SLC38A1: variants seen among roughly 807,000 people sequenced by gnomAD.
The protein encoded by SLC38A1 is solute carrier family 38 member 1.
Under a neutral mutation model 60.3 loss-of-function variants are expected in SLC38A1, and 18 were observed. The ratio of observed to expected loss-of-function variants is 0.30; its 90% CI spans 0.21 to 0.44. The LOEUF (loss-of-function observed/expected upper bound fraction) is 0.44, where lower values mean the gene tolerates loss of function less well. SLC38A1 is among the 20% of genes least tolerant of loss of function. The probability of loss-of-function intolerance (pLI) is 1.00; values close to 1 mark genes in which losing one functional copy is unlikely to be tolerated. For missense variants in SLC38A1, 448 were observed against 587.2 expected, an observed-to-expected ratio of 0.76 and a Z score of 2.45; for synonymous variants, 196 against 212.1, an observed-to-expected ratio of 0.92 and a Z score of 0.66.
chr12:46,239,548 G>A (rs1308283940), intron 3 of SLC38A1, 131 bp downstream of exon 3: 1 of 941,748 alleles, frequency 1.1e-6, no homozygotes, highest in African/African-American at 1.6e-5. Flanking sequence ...TCACCATGTT[G>A]GTCAGGCTGG....
Position 46,196,993 on chromosome 12 carries a change from T to C in SLC38A1, c.1362+727A>G, listed in dbSNP as rs543749492. ...TAACTCAGACATTTTAATTAAGGCA[T>C]TGCATGTTCCCTGGGCTGTAGGGAG... On this transcript the variant is annotated intron_variant, in intron 16 of 16. Coordinates refer to ENST00000398637, the MANE Select transcript of SLC38A1 (RefSeq NM_030674.4). Among the ~76,000 whole-genome samples the C allele has an allele frequency of 5.9e-5, 9 of 152,372 alleles. No homozygotes were observed. In the East Asian group the frequency reaches 7.7e-4, roughly 13 times the overall value.
Position 46,240,600 on chromosome 12 carries a change from G to A in SLC38A1, c.-93-707C>T, listed in dbSNP as rs184318086. On this transcript the variant is annotated intron_variant, in intron 2 of 16. Transcript: ENST00000398637. The stretch of plus-strand genomic sequence containing the variant: ...ACTGCACAGACACAAAAGCACCTTC[G>A]GTTTAGCAATCCCAGCTTAAAGAAA... Among the ~76,000 whole-genome samples the A allele has an allele frequency of 9.9e-5, 15 of 152,238 alleles. No homozygotes were observed. The East Asian group carries it at 2.7e-3, about 27-fold the overall frequency.
At chr12:46,223,063 A>G (rs1940722188) in intron 5 of SLC38A1, among the ~76,000 whole-genome samples, 1 of 152,158 alleles carries the variant, frequency 6.6e-6, no homozygotes, top group Non-Finnish European at 1.5e-5. Flanking sequence ...CCGTTGATAA[A>G]AATAAAGTTT....
In SLC38A1 at chr12:46,256,186, A is replaced by T. The variant is rs1332507170; in HGVS notation, c.-209+12340T>A. Among the ~76,000 whole-genome samples, 7 of 148,756 alleles carry T rather than the reference A, an allele frequency of 4.7e-5. 1 individual carries two copies. Among genetic ancestry groups the T allele is most frequent in the African/African-American group, 1.8e-4 (7 of 39,708 alleles). On this transcript the variant is annotated intron_variant, in intron 1 of 16. Transcript: ENST00000398637. ...ATCTCAAAAAAAAAAAAAAAAAAAA[A>T]GTCAAAGCAGCAGTTTATGACCTTA...
At chr12:46,231,338 G>C (rs1941069975) in intron 3 of SLC38A1, among the ~76,000 whole-genome samples, 1 of 152,018 alleles carries the variant, frequency 6.6e-6, no homozygotes, top group Admixed American at 6.6e-5. Flanking sequence ...CTATCCAATG[G>C]GTACAACGTT....
intron 1 of SLC38A1, among the ~76,000 whole-genome samples, chr12:46,264,178 GC>G (rs1319843753): frequency 6.6e-6 from 1 of 152,212 alleles, no homozygotes; most frequent in African/African-American, 2.4e-5. Context: ...TTAGCAGCAT[GC>G]TTAATGCCAG....
At chr12:46,232,348 T>A (rs928797404) in intron 3 of SLC38A1, among the ~76,000 whole-genome samples, 1 of 152,190 alleles carries the variant, frequency 6.6e-6, no homozygotes, top group African/African-American at 2.4e-5. Context: ...CAGACTGGGA[T>A]TAGCCAGAGG....
intron 5 of SLC38A1, among the ~76,000 whole-genome samples, chr12:46,212,950 A>G (rs1334335012): frequency 6.6e-6 from 1 of 152,132 alleles, no homozygotes; most frequent in Non-Finnish European, 1.5e-5. Context: ...CTTGAAATCT[A>G]ACACCTCTCC....
chr12:46,247,244 A>G (rs1328248737), intron 1 of SLC38A1, among the ~76,000 whole-genome samples: 1 of 152,234 alleles, frequency 6.6e-6, no homozygotes, highest in African/African-American at 2.4e-5. Flanking sequence ...TCCAAGCTAA[A>G]GGAGGATGTT....
intron 1 of SLC38A1, among the ~76,000 whole-genome samples, chr12:46,252,792 G>C (rs1941897567): frequency 1.3e-5 from 2 of 151,818 alleles, no homozygotes; most frequent in Admixed American, 6.6e-5. Flanking sequence ...CCAAGATATG[G>C]AAACAATCTA....
intron 1 of SLC38A1, among the ~76,000 whole-genome samples, chr12:46,250,366 C>A (rs777078214): frequency 1.3e-4 from 20 of 152,278 alleles, no homozygotes; most frequent in Non-Finnish European, 2.6e-4. Context: ...TTATGACAAA[C>A]CCACAGCCAA....
chr12:46,199,959 C>G (rs1939579286), intron 13 of SLC38A1, among the ~76,000 whole-genome samples: 1 of 152,110 alleles, frequency 6.6e-6, no homozygotes, highest in African/African-American at 2.4e-5. Context: ...AATAACTAAC[C>G]ACTTAAAAAA....
At chr12:46,199,307 TTGTGTG>T (rs71067986) in intron 13 of SLC38A1, among the ~76,000 whole-genome samples, 11,941 of 124,920 alleles carry the variant, frequency 0.096, 586 homozygotes, top group Non-Finnish European at 0.11. Context: ...ATGTACTACT[TTGTGTG>T]TGTGTGTGTG....
intron 16 of SLC38A1, among the ~76,000 whole-genome samples, chr12:46,192,474 T>C (rs1403907459): frequency 1.3e-5 from 2 of 152,220 alleles, no homozygotes; most frequent in Admixed American, 1.3e-4. Flanking sequence ...ATTCCCTCTT[T>C]TCTACTGATT....
chr12:46,221,682 C>T (rs1317593017), intron 5 of SLC38A1, among the ~76,000 whole-genome samples: 2 of 152,162 alleles, frequency 1.3e-5, no homozygotes, highest in Non-Finnish European at 2.9e-5. Flanking sequence ...TGTTCTAGAT[C>T]GTGTTAGCGG....
intron 3 of SLC38A1, among the ~76,000 whole-genome samples, chr12:46,229,899 CA>C (rs1283556175): frequency 7.0e-4 from 106 of 152,324 alleles, no homozygotes; most frequent in African/African-American, 2.5e-3. Context: ...TTATATCCTG[CA>C]CTCTACCTTG....
At chr12:46,204,705 G>C (rs1939816624) in intron 9 of SLC38A1, 115 bp from the exon 10 acceptor site, 2 of 692,112 alleles carry the variant, frequency 2.9e-6, no homozygotes, top group African/African-American at 3.6e-5. Context: ...TTATTTCAGT[G>C]CATTATTTGA....
At chr12:46,233,109 C>T (rs1941137415) in intron 3 of SLC38A1, among the ~76,000 whole-genome samples, 1 of 152,134 alleles carries the variant, frequency 6.6e-6, no homozygotes, top group Non-Finnish European at 1.5e-5. Flanking sequence ...ACCTGGAGCT[C>T]CTAGGCTCAA....
intron 4 of SLC38A1, 117 bp from the exon 5 acceptor site, chr12:46,229,385 A>G: frequency 1.2e-6 from 1 of 824,288 alleles, no homozygotes; most frequent in South Asian, 1.7e-5. Flanking sequence ...AAGAAAATCC[A>G]TTCTTAGTTA....
Sources: gnomAD v4.1 joint callset for allele counts (sites outside exome capture counted in the v4.1 genomes callset) on GRCh38, gnomAD v4.1.1 for gene constraint, MANE v1.5 for transcripts, NCBI Gene and HGNC (gene_info 2026-07-23, HGNC 2026-07-21) for gene names.